The following PRKD2 variants were observed in gnomAD, a reference collection of about 807,000 sequenced individuals.
The protein encoded by PRKD2 is serine/threonine-protein kinase D2.
Under a neutral mutation model 86.0 loss-of-function variants are expected in PRKD2, and 22 were observed. The observed-to-expected ratio is 0.26, with a 90% CI of 0.18 to 0.37. PRKD2 has a LOEUF of 0.37. Among genes scored for constraint, PRKD2 ranks in the 10% least tolerant of loss-of-function variants. PRKD2 has a pLI of 1.00. For synonymous variants in PRKD2, 509 were observed against 510.9 expected (o/e 1.00, Z 0.05); for missense variants, 818 against 1,199.2 (o/e 0.68, Z 4.70).
chr19:46,703,136 T>A (rs2053657715), intron 5 of PRKD2, among the ~76,000 whole-genome samples: 4 of 152,214 alleles, frequency 2.6e-5, no homozygotes, highest in Non-Finnish European at 5.9e-5. Flanking sequence ...AATCCCATGG[T>A]TCCAAAATTC....
Position 46,716,184 on chromosome 19 carries a change from C to T in PRKD2, c.187G>A (p.Ala63Thr), listed in dbSNP as rs777001291. The change falls in exon 1 of 18, where the codon GCC (alanine) becomes ACC (threonine). Residue 63 changes from alanine (A) to threonine (T), a missense_variant. Physicochemically the swap from Ala to Thr is moderately conservative, Grantham distance 58. Around this residue, in one of 5 missense-constraint regions of PRKD2, gnomAD observed 403 missense variants for 518.6 expected, o/e 0.78. Transcript: ENST00000291281. This position sits in a 1 kb window ranked among gnomAD's most constrained non-coding sequence, Gnocchi z 7.9. ...LTREFVLLPA[A>T]SELAHVKQLA... ...TGCTTCACATGAGCCAGCTCGGAGG[C>T]GGCGGGCAACAGCACGAACTCGCGG... 3 of 1,611,208 alleles carry T rather than the reference C, an allele frequency of 1.9e-6. No individual in the cohort carries two copies. The highest frequency in any genetic ancestry group is 1.1e-5 in the South Asian group (1 of 91,060).
chr19:46,676,424 T>TCAAAA lies in PRKD2; in HGVS notation c.2339-1311_2339-1307dup, dbSNP rs562575000. On this transcript the variant is annotated intron_variant, in intron 16 of 17. Transcript: ENST00000291281. ...CGGGTGACAAAAGCGAAACTCCGTC[T>TCAAAA]CAAAACAAAACAAAACAAAACAAAA... Among the ~76,000 whole-genome samples the TCAAAA allele has an allele frequency of 7.0e-3, 1,063 of 152,102 alleles. 7 individuals are homozygous for TCAAAA. Among genetic ancestry groups the TCAAAA allele is most frequent in the Non-Finnish European group, 0.01 (709 of 67,970 alleles).
At chr19:46,708,225 A>T (rs1309001943) in intron 3 of PRKD2, among the ~76,000 whole-genome samples, 2 of 151,098 alleles carry the variant, frequency 1.3e-5, no homozygotes, top group Non-Finnish European at 2.9e-5. Flanking sequence ...ATGCAACTAT[A>T]TCTGGAGACG....
In PRKD2 at chr19:46,704,486, T is replaced by C; in HGVS notation, c.666+9A>G. ...AGCCACCAACCCGTCCCATCCCCCA[T>C]CTCCTCACCAGCTCTTCAGCCGTGC... On this transcript the variant is annotated intron_variant, in intron 4 of 17. Transcript: ENST00000291281. 6.2e-7 allele frequency: 1 copy of C among 1,613,920 alleles called. No homozygotes were observed. Among genetic ancestry groups the C allele is most frequent in the Non-Finnish European group, 8.5e-7 (1 of 1,179,960 alleles).
intron 12 of PRKD2, among the ~76,000 whole-genome samples, 167 bp downstream of exon 12, chr19:46,691,568 G>A (rs1015980780): frequency 9.9e-5 from 15 of 152,278 alleles, no homozygotes; most frequent in Non-Finnish European, 2.1e-4. Flanking sequence ...ATGAGAAAAG[G>A]AGAACCTGCA....
intron 5 of PRKD2, among the ~76,000 whole-genome samples, chr19:46,703,794 A>G (rs1291902570): frequency 6.6e-6 from 1 of 150,888 alleles, no homozygotes; most frequent in Admixed American, 6.6e-5. Context: ...AAGAAAAGAA[A>G]ATTAGCTGGG....
intron 14 of PRKD2, among the ~76,000 whole-genome samples, chr19:46,688,554 A>G (rs1429607164): frequency 6.7e-6 from 1 of 150,366 alleles, no homozygotes; most frequent in Non-Finnish European, 1.5e-5. Flanking sequence ...CTCCTGCCTC[A>G]GCCTCCCAAG....
chr19:46,705,198 C>T (rs2053697120), intron 3 of PRKD2, among the ~76,000 whole-genome samples: 2 of 152,052 alleles, frequency 1.3e-5, no homozygotes, highest in South Asian at 4.1e-4. Context: ...AAAGTCCCCG[C>T]CAAAGCTCTG....
chr19:46,689,823 G>C, intron 13 of PRKD2, 125 bp from the exon 14 acceptor site: 13 of 1,132,674 alleles, frequency 1.1e-5, no homozygotes, highest in Non-Finnish European at 1.6e-5. Context: ...GGCACTTGGA[G>C]AGGGAAGGGG....
intron 2 of PRKD2, 95 bp from the exon 3 acceptor site, chr19:46,711,133 G>A (rs1236826791): frequency 1.5e-5 from 22 of 1,448,540 alleles, no homozygotes; most frequent in Non-Finnish European, 2.0e-5. Context: ...GCTCCCAGCC[G>A]CAAGGTGTGA....
chr19:46,711,046 C>A lies in PRKD2; in HGVS notation c.380-8G>T. 1 of 1,577,018 alleles carries A rather than the reference C, an allele frequency of 6.3e-7. No homozygotes were observed. Among genetic ancestry groups the A allele is most frequent in the South Asian group, 1.2e-5 (1 of 86,102 alleles). On this transcript the variant is annotated splice_region_variant and splice_polypyrimidine_tract_variant and intron_variant, in intron 2 of 17. Coordinates refer to ENST00000291281, the MANE Select transcript of PRKD2 (RefSeq NM_016457.5). ...CCTCGAAGGTGGCCGAGGCTGTAGG[C>A]GGAAAATAGGGGTGGATGCTTGAGG...
chr19:46,704,305 A>G lies in PRKD2; in HGVS notation c.753T>C (p.Ile251=), dbSNP rs761206708. ...SSASSYTGRP[I]ELDKMLLSKV... is the part of the protein sequence containing the mutation. ...TGGAGAGCAGCATCTTGTCCAGCTC[A>G]ATGGGGCGGCCCGTATACGATGAGG... Residue 251 remains isoleucine (I), a synonymous_variant, in exon 5 of 18, where the codon ATT becomes ATC. Transcript: ENST00000291281. The G allele has an allele frequency of 6.2e-7, 1 of 1,614,180 alleles. No individual in the cohort carries two copies. Among genetic ancestry groups the G allele is most frequent in the South Asian group, 1.1e-5 (1 of 91,090 alleles).
At position 46,697,169 on chromosome 19, in the gene PRKD2, G is replaced by A. The variant is rs767870846; in HGVS notation, c.1305C>T (p.Asn435=). Residue 435 remains asparagine (N), a synonymous_variant, in exon 9 of 18, where the codon AAC becomes AAT. Coordinates refer to ENST00000291281, the MANE Select transcript of PRKD2 (RefSeq NM_016457.5). ...CITLFQNNTT[N]RYYKEIPLSE... ...CCCGGAGGCTTACCTTATAGTATCT[G>A]TTGGTCGTGTTGTTCTGGAAGAGCG... The A allele has an allele frequency of 5.0e-6, 8 of 1,584,210 alleles. No homozygotes were observed. Among genetic ancestry groups the A allele is most frequent in the African/African-American group, 1.3e-5 (1 of 74,162 alleles).
chr19:46,683,145 C>A (rs538712828), intron 14 of PRKD2, among the ~76,000 whole-genome samples: 2 of 151,004 alleles, frequency 1.3e-5, no homozygotes, highest in African/African-American at 4.9e-5. Context: ...GTGCCACCAC[C>A]ACCATGTCGG....
intron 16 of PRKD2, chr19:46,677,096 A>G (rs1445737992): frequency 6.8e-6 from 1 of 147,734 alleles, no homozygotes; most frequent in Admixed American, 6.8e-5. Context: ...AGCACCCCCA[A>G]TATTACTCCA....
At position 46,704,336 on chromosome 19, in the gene PRKD2, G is replaced by T. The variant is rs1273019175; in HGVS notation, c.722C>A (p.Ser241Tyr). 3 of 1,614,116 alleles carry T rather than the reference G, an allele frequency of 1.9e-6. No homozygotes were observed. In the African/African-American group the frequency reaches 4.0e-5, roughly 22 times the overall value. ...GCGGCCCGTATACGATGAGGCAGAA[G>T]AGGAGGAAGAGGATGACGGGGGACG... ...PRRPPSSSSS[S>Y]SASSYTGRPI... Residue 241 changes from serine to tyrosine, a missense_variant, in exon 5 of 18, where the codon TCT becomes TAT. Coordinates refer to ENST00000291281, the MANE Select transcript of PRKD2 (RefSeq NM_016457.5).
chr19:46,709,430 C>A (rs2053770032), intron 3 of PRKD2: 1 of 155,216 alleles, frequency 6.4e-6, no homozygotes, highest in Non-Finnish European at 1.5e-5. Context: ...ATGGTGCAAT[C>A]TCAGCTCACT....
chr19:46,715,993 C>A, intron 1 of PRKD2, 138 bp downstream of exon 1: 1 of 1,326,540 alleles, frequency 7.5e-7, no homozygotes, highest in African/African-American at 1.5e-5. Flanking sequence ...TGGAGGGGGG[C>A]AATGCCCCCT....
At chr19:46,708,984 T>G (rs200145874) in intron 3 of PRKD2, among the ~76,000 whole-genome samples, 8,905 of 61,858 alleles carry the variant, frequency 0.14, 466 homozygotes, top group East Asian at 0.22. Flanking sequence ...TTTTTTTTTT[T>G]TTTTTTTTTT....
Sources: gnomAD v4.1 joint callset for allele counts (sites outside exome capture counted in the v4.1 genomes callset) on GRCh38, gnomAD v4.1.1 for gene constraint, gnomAD v4.1.1 regional missense constraint, Gnocchi (gnomAD v3.1) non-coding constraint, MANE v1.5 for transcripts, NCBI Gene and HGNC (gene_info 2026-07-23, HGNC 2026-07-21) for gene names.